TRDMT1: variants seen among roughly 807,000 people sequenced by gnomAD.
TRDMT1 encodes tRNA aspartic acid methyltransferase 1.
A neutral mutation model predicts 51.2 loss-of-function variants in TRDMT1; 49 were observed. The ratio of observed to expected loss-of-function variants is 0.96; its 90% confidence interval spans 0.76 to 1.21. TRDMT1 has a LOEUF of 1.21. TRDMT1 is among the 50% of genes most tolerant of loss of function. The pLI is 0.00. For missense variants in TRDMT1, 534 were observed against 462.3 expected (o/e 1.16, Z -1.42); for synonymous variants, 187 against 164.6 (o/e 1.14, Z -1.04).
intron 1 of TRDMT1, among the ~76,000 whole-genome samples, chr10:17,197,761 A>T (rs866349033): frequency 2.0e-5 from 3 of 152,340 alleles, no homozygotes; most frequent in African/African-American, 7.2e-5. Flanking sequence ...AACCCGGCAC[A>T]GTGGCTCACA....
chr10:17,193,185 G>A (rs1844928203), intron 1 of TRDMT1, among the ~76,000 whole-genome samples: 1 of 152,130 alleles, frequency 6.6e-6, no homozygotes, highest in Admixed American at 6.5e-5. Context: ...CCAACATGGT[G>A]AAACCCCGTC....
intron 8 of TRDMT1, among the ~76,000 whole-genome samples, chr10:17,156,083 T>C (rs928045056): frequency 6.6e-6 from 1 of 152,106 alleles, no homozygotes; most frequent in African/African-American, 2.4e-5. Flanking sequence ...ATGACTCTGG[T>C]ATGGTTCTAC....
intron 2 of TRDMT1, among the ~76,000 whole-genome samples, chr10:17,170,075 C>T (rs1251127262): frequency 1.3e-5 from 2 of 152,164 alleles, no homozygotes; most frequent in African/African-American, 2.4e-5. Context: ...AAGTAAAAAA[C>T]AACAATCTCT....
Position 17,139,872 on chromosome 10 carries a change from T to C in TRDMT1, c.*9168A>G, listed in dbSNP as rs1358770317. Among the ~76,000 whole-genome samples, 2 of 152,030 alleles carry C rather than the reference T, an allele frequency of 1.3e-5. No homozygotes were observed. The highest frequency in any genetic ancestry group is 4.8e-5 in the African/African-American group (2 of 41,382). On this transcript the variant is annotated 3_prime_UTR_variant, in exon 11 of 11. Transcript: ENST00000377799. The stretch of plus-strand genomic sequence containing the variant: ...CTAAGATCTATAAAAAACAACACCT[T>C]TGTATGCTTTCTTTATAGTGACTTG...
rs1837937080 is a variant in TRDMT1, at chr10:17,144,485, C to A, written c.*4555G>T. ...TATAGGAAAAATGAGATTTTGGAAGCTTTAGGAGTCAAGTGTGGTGTACTT... is the reference window on the plus strand; with the variant it reads ...TATAGGAAAAATGAGATTTTGGAAGATTTAGGAGTCAAGTGTGGTGTACTT... On this transcript the variant is annotated 3_prime_UTR_variant, in exon 11 of 11. Transcript: ENST00000377799. 1 of 985,480 alleles carries A rather than the reference C, an allele frequency of 1.0e-6. No individual in the cohort carries two copies. The highest frequency in any genetic ancestry group is 1.2e-6 in the Non-Finnish European group (1 of 829,912). The allele number at this position is 985,480 out of a possible 1,614,324, so 61.0% of individuals were successfully genotyped here.
chr10:17,149,997 T>C (rs34500464), intron 10 of TRDMT1, among the ~76,000 whole-genome samples: 44,016 of 151,986 alleles, frequency 0.29, 6,573 homozygotes, highest in Middle Eastern at 0.39. Context: ...GATATATACA[T>C]AGGGGTGAAA....
rs1377241806 is a variant in TRDMT1, at chr10:17,142,340, G to C, written c.*6700C>G. 1 of 152,248 alleles carries C rather than the reference G, an allele frequency of 6.6e-6. No individual in the cohort carries two copies. Among genetic ancestry groups the C allele is most frequent in the South Asian group, 2.1e-4 (1 of 4,830 alleles). The allele number at this position is 152,248 out of a possible 1,614,324, so 9.4% of individuals were successfully genotyped here. A position where few individuals can be genotyped will look rare whatever the true frequency, so the allele number is the denominator to read the frequency against. ...TTAGTTTTTGTGGGCTATGAGTCCA[G>C]TGGTAATTTAGTTTTTAAAGCCTTT... On this transcript the variant is annotated 3_prime_UTR_variant, in exon 11 of 11. Transcript: ENST00000377799.
At chr10:17,172,464 C>T (rs1842151669) in intron 2 of TRDMT1, among the ~76,000 whole-genome samples, 1 of 151,846 alleles carries the variant, frequency 6.6e-6, no homozygotes, top group Admixed American at 6.6e-5. Flanking sequence ...TTGAGACCAG[C>T]CTGGGCAACA....
Position 17,144,240 on chromosome 10 carries a change from A to C in TRDMT1, c.*4800T>G, listed in dbSNP as rs2131354371. On this transcript the variant is annotated 3_prime_UTR_variant, in exon 11 of 11. Transcript: ENST00000377799. ...ATTATAGAGCTAATTTAGCTAAACA[A>C]ACATGTTCTCTATGTACACTCTTAT... 1.0e-6 allele frequency: 1 copy of C among 985,686 alleles called. No individual in the cohort carries two copies. The highest frequency in any genetic ancestry group is 1.7e-5 in the African/African-American group (1 of 57,356). 61.1% of individuals were successfully genotyped at this position (985,686 alleles called of 1,614,324 possible).
chr10:17,173,395 G>C (rs866264706), intron 2 of TRDMT1, among the ~76,000 whole-genome samples: 31 of 152,082 alleles, frequency 2.0e-4, no homozygotes, highest in Admixed American at 1.2e-3. Context: ...AACAAAACAT[G>C]ATGAATTCCA....
intron 10 of TRDMT1, chr10:17,150,362 CT>C (rs1838527318): frequency 1.0e-6 from 1 of 983,658 alleles, no homozygotes. Context: ...AGTCCTTTAC[CT>C]ATTCTGGATA....
chr10:17,188,966 G>A (rs1425194358), intron 1 of TRDMT1, among the ~76,000 whole-genome samples: 1 of 152,114 alleles, frequency 6.6e-6, no homozygotes, highest in Admixed American at 6.6e-5. Flanking sequence ...CATTTCTATG[G>A]TTTCTGGCCA....
Position 17,149,137 on chromosome 10 carries a change from A to C in TRDMT1, c.1079T>G (p.Phe360Cys), listed in dbSNP as rs1838375053. 1.2e-6 allele frequency: 2 copies of C among 1,603,968 alleles called. No homozygotes were observed. The highest frequency in any genetic ancestry group is 1.7e-5 in the Admixed American group (1 of 58,908). ...CTGTTTCACTGTTATCTTCTCAGGA[A>C]ATCCTAAAAAGACAAAGAACAATTT... is the stretch of plus-strand genomic sequence containing the variant. Reference protein sequence around the residue: ...NLLGFPPEFGFPEKITVKQRY... With the variant: ...NLLGFPPEFGCPEKITVKQRY... The change falls in exon 11 of 11, where the codon TTT (phenylalanine) becomes TGT (cysteine). Residue 360 changes from phenylalanine (F) to cysteine (C), a missense_variant. Phe to Cys is a radical substitution (Grantham distance 205). Transcript: ENST00000377799.
intron 1 of TRDMT1, among the ~76,000 whole-genome samples, chr10:17,177,768 T>A (rs986471547): frequency 2.7e-5 from 4 of 146,336 alleles, no homozygotes; most frequent in Non-Finnish European, 6.1e-5. Context: ...AGCAATACTT[T>A]CCTTTCTTTT....
In TRDMT1 at chr10:17,141,816, A is replaced by C. The variant is rs191178533; in HGVS notation, c.*7224T>G. On this transcript the variant is annotated 3_prime_UTR_variant, in exon 11 of 11. Transcript: ENST00000377799. ...TTACATTCACTTTGAAATATCTGCC[A>C]CTTTGAAAGAAATTCATGCCAAGAC... 3.9e-4 allele frequency among the ~76,000 whole-genome samples: 60 copies of C among 152,346 alleles called. No homozygotes were observed. Among genetic ancestry groups the C allele is most frequent in the Middle Eastern group, 3.4e-3 (1 of 294 alleles).
chr10:17,181,783 A>G (rs998869305), intron 1 of TRDMT1, among the ~76,000 whole-genome samples: 11 of 152,212 alleles, frequency 7.2e-5, no homozygotes, highest in African/African-American at 2.2e-4. Context: ...TCAGGCAGTA[A>G]GTAAATATCT....
In TRDMT1 at chr10:17,146,431, C is replaced by A; in HGVS notation, c.*2609G>T. 2 of 985,418 alleles carry A rather than the reference C, an allele frequency of 2.0e-6. No homozygotes were observed. The highest frequency in any genetic ancestry group is 2.4e-6 in the Non-Finnish European group (2 of 829,936). The allele number at this position is 985,418 out of a possible 1,614,324, so 61.0% of individuals were successfully genotyped here. ...GCCACTGAGGATTGTCAGGCTCTGA[C>A]CCCTCCTACAATGACTACCCACCTC... On this transcript the variant is annotated 3_prime_UTR_variant, in exon 11 of 11. Coordinates refer to ENST00000377799, the MANE Select transcript of TRDMT1 (RefSeq NM_004412.7).
chr10:17,164,082 C>T (rs1840806692), intron 3 of TRDMT1, among the ~76,000 whole-genome samples: 1 of 152,148 alleles, frequency 6.6e-6, no homozygotes, highest in African/African-American at 2.4e-5. Context: ...GAATTTTAGA[C>T]CAATATCCCT....
chr10:17,162,045 G>A, intron 4 of TRDMT1, 121 bp downstream of exon 4: 2 of 816,384 alleles, frequency 2.4e-6, no homozygotes, highest in Non-Finnish European at 4.1e-6. Context: ...TAAATGACAG[G>A]CCCAATATCT....
Sources: allele counts gnomAD v4.1 joint callset (sites outside exome capture counted in the v4.1 genomes callset), GRCh38; gene constraint gnomAD v4.1.1; transcripts MANE v1.5; gene names NCBI Gene and HGNC (gene_info 2026-07-23, HGNC 2026-07-21).